The following MTAP variants were observed in gnomAD, a reference collection of about 807,000 sequenced individuals.
The protein encoded by MTAP is S-methyl-5'-thioadenosine phosphorylase.
MTAP carries 33 observed loss-of-function variants against 33.6 expected under a neutral mutation model. The ratio of observed to expected loss-of-function variants is 0.98; its 90% CI spans 0.74 to 1.31. The LOEUF (loss-of-function observed/expected upper bound fraction) is 1.31, where lower values mean the gene tolerates loss of function less well. Ranked by LOEUF, MTAP falls within the 40% of genes most tolerant of loss-of-function variation. The pLI is 0.00. For missense variants in MTAP, 367 were observed against 360.0 expected, an observed-to-expected ratio of 1.02 and a Z score of -0.16; for synonymous variants, 148 against 125.7, an observed-to-expected ratio of 1.18 and a Z score of -1.19.
chr9:21,912,138 A>G (rs1216144679), intron 1 of MTAP, among the ~76,000 whole-genome samples: 1 of 152,218 alleles, frequency 6.6e-6, no homozygotes, highest in African/African-American at 2.4e-5. Context: ...GGCAATAATT[A>G]ATAGCTTACC....
rs2118577059 is a variant in MTAP at position 21,862,201 on chromosome 9, A to G, written c.*187A>G. On this transcript the variant is annotated 3_prime_UTR_variant, in exon 8 of 8. Transcript: ENST00000644715. ...CTCCTGAATGATTTAGACAACTTCAAAATACAGAAGAAAAGCAAATGACTA... is the reference window on the plus strand; with the variant it reads ...CTCCTGAATGATTTAGACAACTTCAGAATACAGAAGAAAAGCAAATGACTA... The G allele has an allele frequency of 5.9e-6, 8 of 1,345,812 alleles. No individual in the cohort carries two copies. Among genetic ancestry groups the G allele is most frequent in the Middle Eastern group, 1.9e-4 (1 of 5,176 alleles). The allele number at this position is 1,345,812 out of a possible 1,614,324, so 83.4% of individuals were successfully genotyped here. A position where few individuals can be genotyped will look rare whatever the true frequency, so the allele number is the denominator to read the frequency against.
rs151186883 is a variant in MTAP, at chr9:21,895,653, G to A, written c.148-35355G>A. ...AATGACCTTGGCAAACGGCACACTA[G>A]GAGGTTATATCCCATGCCTAGCTCA... On this transcript the variant is annotated intron_variant, in intron 1 of 1. Coordinates refer to the MTAP transcript ENST00000577563. Among the ~76,000 whole-genome samples, 343 of 152,330 alleles carry A rather than the reference G, an allele frequency of 2.3e-3. 3 individuals are homozygous for A. Among genetic ancestry groups the A allele is most frequent in the African/African-American group, 7.7e-3 (319 of 41,578 alleles).
At chr9:21,881,165 A>G (rs1818005217) in intron 1 of MTAP, among the ~76,000 whole-genome samples, 1 of 152,214 alleles carries the variant, frequency 6.6e-6, no homozygotes, top group African/African-American at 2.4e-5. Flanking sequence ...GGCAAAAGAC[A>G]GTTTCTTTAA....
chr9:21,876,872 TAA>T (rs111339282), intron 1 of MTAP, among the ~76,000 whole-genome samples: 4 of 149,050 alleles, frequency 2.7e-5, no homozygotes, highest in African/African-American at 9.8e-5. Context: ...CCATGTGAAT[TAA>T]AAAAAAAAAT....
At chr9:21,891,919 A>G (rs1238645467) in intron 1 of MTAP, among the ~76,000 whole-genome samples, 1 of 152,230 alleles carries the variant, frequency 6.6e-6, no homozygotes, top group Non-Finnish European at 1.5e-5. Context: ...TCAGGCTAAC[A>G]ATGGACCTTT....
chr9:21,852,801 G>A (rs947575884), intron 5 of MTAP, among the ~76,000 whole-genome samples: 1 of 151,712 alleles, frequency 6.6e-6, no homozygotes, highest in Non-Finnish European at 1.5e-5. Context: ...GTACAAATAC[G>A]TGTTCCAAAA....
intron 1 of MTAP, among the ~76,000 whole-genome samples, chr9:21,909,422 A>G (rs1016209879): frequency 6.6e-6 from 1 of 152,138 alleles, no homozygotes; most frequent in Non-Finnish European, 1.5e-5. Flanking sequence ...AATCTGTGTC[A>G]TGGTGGGGTA....
intron 5 of MTAP, among the ~76,000 whole-genome samples, chr9:21,847,676 C>A (rs1196145653): frequency 1.3e-5 from 2 of 152,168 alleles, no homozygotes; most frequent in Non-Finnish European, 2.9e-5. Context: ...CTCCTAAGTT[C>A]AGTGGACAAA....
intron 1 of MTAP, among the ~76,000 whole-genome samples, chr9:21,891,456 T>C (rs1054655876): frequency 2.0e-5 from 3 of 152,192 alleles, no homozygotes; most frequent in Admixed American, 6.5e-5. Flanking sequence ...AACAGACTTA[T>C]CTGATAGAGC....
At chr9:21,842,749 C>T (rs532441652) in intron 5 of MTAP, among the ~76,000 whole-genome samples, 2 of 152,266 alleles carry the variant, frequency 1.3e-5, no homozygotes, top group Non-Finnish European at 2.9e-5. Flanking sequence ...ACAAGAAATG[C>T]TTAAAGGAGT....
At chr9:21,823,965 T>C (rs1824717724) in intron 4 of MTAP, among the ~76,000 whole-genome samples, 1 of 152,364 alleles carries the variant, frequency 6.6e-6, no homozygotes, top group Non-Finnish European at 1.5e-5. Flanking sequence ...CATCAGGTCA[T>C]TTAAGGACTT....
chr9:21,891,480 AC>A (rs1165997434), intron 1 of MTAP, among the ~76,000 whole-genome samples: 1 of 152,224 alleles, frequency 6.6e-6, no homozygotes, highest in Non-Finnish European at 1.5e-5. Flanking sequence ...AAAACTCACT[AC>A]AAAAATTCCA....
intron 1 of MTAP, among the ~76,000 whole-genome samples, chr9:21,873,383 T>C (rs1249607869): frequency 6.6e-6 from 1 of 152,142 alleles, no homozygotes; most frequent in East Asian, 1.9e-4. Flanking sequence ...TATTGAAATC[T>C]AATCTCCAAT....
chr9:21,825,795 T>G (rs1228921998), intron 4 of MTAP, among the ~76,000 whole-genome samples: 2 of 152,182 alleles, frequency 1.3e-5, no homozygotes, highest in African/African-American at 2.4e-5. Flanking sequence ...GATTCATGAA[T>G]GCACCACTAC....
intron 1 of MTAP, among the ~76,000 whole-genome samples, chr9:21,925,501 A>G (rs573268636): frequency 3.7e-4 from 56 of 152,360 alleles, no homozygotes; most frequent in African/African-American, 1.3e-3. Flanking sequence ...AGCTCCAACT[A>G]TTGGCTGCCC....
intron 1 of MTAP, 86 bp downstream of exon 1, chr9:21,802,867 A>ATGCGCCT: frequency 6.4e-7 from 1 of 1,561,962 alleles, no homozygotes; most frequent in Non-Finnish European, 8.7e-7. Flanking sequence ...TCCGGGGGCC[A>ATGCGCCT]TGCGCCCGGC....
chr9:21,851,925 G>A (rs1418654043), intron 5 of MTAP, among the ~76,000 whole-genome samples: 2 of 152,150 alleles, frequency 1.3e-5, no homozygotes, highest in African/African-American at 2.4e-5. Flanking sequence ...AACTTGGACT[G>A]TCTCTCCTTG....
chr9:21,861,914 T>C, intron 7 of MTAP, 62 bp from the exon 8 acceptor site: 1 of 970,552 alleles, frequency 1.0e-6, no homozygotes, highest in Admixed American at 1.9e-5. Flanking sequence ...TTTTTTTTTT[T>C]AACAAACATC....
At chr9:21,844,350 A>G (rs1001950675) in intron 5 of MTAP, among the ~76,000 whole-genome samples, 1 of 152,214 alleles carries the variant, frequency 6.6e-6, no homozygotes, top group African/African-American at 2.4e-5. Context: ...AAAGACAGAG[A>G]AAGCAGGAAT....
Sources: allele counts gnomAD v4.1 joint callset (sites outside exome capture counted in the v4.1 genomes callset), GRCh38; gene constraint gnomAD v4.1.1; transcripts MANE v1.5; gene names NCBI Gene and HGNC (gene_info 2026-07-23, HGNC 2026-07-21).